The following XKR4 variants were observed in gnomAD, a reference collection of about 807,000 sequenced individuals.
XKR4 encodes XK related 4.
Under a neutral mutation model 53.9 loss-of-function variants are expected in XKR4, and 12 were observed. The observed-to-expected ratio is 0.22, with a 90% CI of 0.14 to 0.36. The LOEUF (loss-of-function observed/expected upper bound fraction) is 0.36, where lower values mean the gene tolerates loss of function less well. Among genes scored for constraint, XKR4 ranks in the 10% least tolerant of loss-of-function variants. XKR4 has a pLI of 1.00. For missense variants in XKR4, 799 were observed against 859.5 expected, an observed-to-expected ratio of 0.93 and a Z score of 0.88; for synonymous variants, 354 against 362.4, an observed-to-expected ratio of 0.98 and a Z score of 0.26.
At chr8:55,435,994 C>T (rs1011054719) in intron 2 of XKR4, among the ~76,000 whole-genome samples, 2 of 152,200 alleles carry the variant, frequency 1.3e-5, no homozygotes, top group African/African-American at 4.8e-5. Flanking sequence ...CTGCCCCAAA[C>T]AAGCTGCCCT....
chr8:55,505,771 G>A lies in XKR4; in HGVS notation c.1007-17510G>A, dbSNP rs555023618. On this transcript the variant is annotated intron_variant, in intron 2 of 2. Coordinates refer to ENST00000327381, the MANE Select transcript of XKR4 (RefSeq NM_052898.2). ...TGGAGAATGTTGCATGTGTGCTTAA[G>A]AAAAATGTATTTTCTGCTGAAGTCC... Among the ~76,000 whole-genome samples the A allele has an allele frequency of 7.9e-5, 12 of 152,250 alleles. 1 individual carries two copies. Among genetic ancestry groups the A allele is most frequent in the African/African-American group, 2.6e-4 (11 of 41,558 alleles).
intron 1 of XKR4, among the ~76,000 whole-genome samples, chr8:55,290,539 C>T (rs990361628): frequency 6.6e-6 from 1 of 152,038 alleles, no homozygotes; most frequent in Non-Finnish European, 1.5e-5. Flanking sequence ...GGTATTAAGC[C>T]CAACATGCAT....
intron 2 of XKR4, among the ~76,000 whole-genome samples, chr8:55,455,822 C>G (rs533335095): frequency 6.6e-6 from 1 of 152,278 alleles, no homozygotes; most frequent in African/African-American, 2.4e-5. Flanking sequence ...ACACAAAGAT[C>G]AGTCATCAGG....
At chr8:55,121,653 T>C (rs951038549) in intron 1 of XKR4, among the ~76,000 whole-genome samples, 3 of 152,156 alleles carry the variant, frequency 2.0e-5, no homozygotes, top group African/African-American at 7.2e-5. Context: ...TGGTACCAAC[T>C]CTCTAGATTC....
At chr8:55,328,823 A>G (rs1161346812) in intron 1 of XKR4, among the ~76,000 whole-genome samples, 2 of 152,126 alleles carry the variant, frequency 1.3e-5, no homozygotes, top group African/African-American at 4.8e-5. Flanking sequence ...TTCGGATCTC[A>G]GCTTTACTAC....
At position 55,532,479 on chromosome 8, in the gene XKR4, T is replaced by C. The variant is rs1806967059; in HGVS notation, c.*8252T>C. 1 of 152,216 alleles carries C rather than the reference T, an allele frequency of 6.6e-6. No homozygotes were observed. Among genetic ancestry groups the C allele is most frequent in the South Asian group, 2.1e-4 (1 of 4,834 alleles). The allele number at this position is 152,216 out of a possible 1,614,324, so 9.4% of individuals were successfully genotyped here. A position where few individuals can be genotyped will look rare whatever the true frequency, so the allele number is the denominator to read the frequency against. On this transcript the variant is annotated 3_prime_UTR_variant, in exon 3 of 3. Coordinates refer to ENST00000327381, the MANE Select transcript of XKR4 (RefSeq NM_052898.2). ...TTCTCTTGTGCTAGTAATTGAAGTA[T>C]GTCATCTACCCTGTTATTAGAATTT...
At chr8:55,216,534 C>T (rs1817801586) in intron 1 of XKR4, among the ~76,000 whole-genome samples, 1 of 152,046 alleles carries the variant, frequency 6.6e-6, no homozygotes, top group Non-Finnish European at 1.5e-5. Context: ...TCGAGACCAG[C>T]CTGTCCAACA....
intron 1 of XKR4, among the ~76,000 whole-genome samples, chr8:55,279,678 A>T (rs1469195646): frequency 2.0e-5 from 3 of 152,194 alleles, no homozygotes; most frequent in African/African-American, 7.2e-5. Flanking sequence ...TCGTAGAGTG[A>T]GCCAGTATGG....
intron 1 of XKR4, among the ~76,000 whole-genome samples, chr8:55,140,825 AG>A (rs1168551333): frequency 3.3e-5 from 5 of 152,182 alleles, no homozygotes; most frequent in African/African-American, 1.2e-4. Context: ...GCCTATTTTT[AG>A]AAGAGTAATC....
chr8:55,147,532 C>A (rs749899471), intron 1 of XKR4, among the ~76,000 whole-genome samples: 1 of 152,190 alleles, frequency 6.6e-6, no homozygotes, highest in African/African-American at 2.4e-5. Context: ...AGTTCACATG[C>A]TTTTGAGGGG....
At chr8:55,271,065 C>T (rs1206871485) in intron 1 of XKR4, among the ~76,000 whole-genome samples, 6 of 152,068 alleles carry the variant, frequency 3.9e-5, no homozygotes, top group African/African-American at 1.4e-4. Context: ...GGACAGTTGC[C>T]ATCTTCTCCT....
intron 2 of XKR4, among the ~76,000 whole-genome samples, chr8:55,398,597 G>A (rs1283632284): frequency 1.3e-5 from 2 of 152,004 alleles, no homozygotes; most frequent in African/African-American, 4.8e-5. Context: ...TTGGCTCTGC[G>A]GCTTTAGTTC....
At chr8:55,354,210 G>C (rs1803766515) in intron 1 of XKR4, among the ~76,000 whole-genome samples, 2 of 152,206 alleles carry the variant, frequency 1.3e-5, no homozygotes. Flanking sequence ...GAAGTGCCCT[G>C]AACCAAGCTC....
At chr8:55,201,406 A>G (rs1465964923) in intron 1 of XKR4, among the ~76,000 whole-genome samples, 1 of 152,218 alleles carries the variant, frequency 6.6e-6, no homozygotes, top group Non-Finnish European at 1.5e-5. Flanking sequence ...CACAGTAAGG[A>G]GACTACTCTG....
At chr8:55,345,387 C>A (rs999461932) in intron 1 of XKR4, among the ~76,000 whole-genome samples, 1 of 152,136 alleles carries the variant, frequency 6.6e-6, no homozygotes, top group African/African-American at 2.4e-5. Flanking sequence ...TATGACTGTA[C>A]TTTGTGTAAG....
Position 55,141,583 on chromosome 8 carries a change from T to G in XKR4, c.806+38289T>G, listed in dbSNP as rs1816702001. On this transcript the variant is annotated intron_variant, in intron 1 of 2. Transcript: ENST00000327381. ...GGGACTTGGCAGTGGGGGTTGATTCTCGTCACCCTCTGCATCCGAGTGGGC... is the reference window on the plus strand; with the variant it reads ...GGGACTTGGCAGTGGGGGTTGATTCGCGTCACCCTCTGCATCCGAGTGGGC... Among the ~76,000 whole-genome samples, 4 of 151,638 alleles carry G rather than the reference T, an allele frequency of 2.6e-5. No individual in the cohort carries two copies. The South Asian group carries it at 8.4e-4, about 32-fold the overall frequency.
chr8:55,142,863 C>T (rs1816725075), intron 1 of XKR4, among the ~76,000 whole-genome samples: 1 of 152,222 alleles, frequency 6.6e-6, no homozygotes, highest in Admixed American at 6.5e-5. Context: ...AGAATGAACC[C>T]TCTCATATCA....
chr8:55,157,702 G>A (rs1816927388), intron 1 of XKR4, among the ~76,000 whole-genome samples: 1 of 152,100 alleles, frequency 6.6e-6, no homozygotes, highest in African/African-American at 2.4e-5. Flanking sequence ...AGGCCCCAAT[G>A]TCTGTTGTTG....
chr8:55,180,064 T>G (rs2129359588), intron 1 of XKR4, among the ~76,000 whole-genome samples: 1 of 152,336 alleles, frequency 6.6e-6, no homozygotes, highest in South Asian at 2.1e-4. Flanking sequence ...AAGCTATATC[T>G]TGATGTCAAC....
Sources: allele counts gnomAD v4.1 joint callset (sites outside exome capture counted in the v4.1 genomes callset), GRCh38; gene constraint gnomAD v4.1.1; transcripts MANE v1.5; gene names NCBI Gene and HGNC (gene_info 2026-07-23, HGNC 2026-07-21).